HEXA: variants seen among roughly 807,000 people sequenced by gnomAD.
HEXA encodes hexosaminidase subunit alpha, also known as beta-hexosaminidase subunit alpha.
In HEXA, 54 loss-of-function variants were observed where a neutral mutation model predicts 73.3. That is an observed-to-expected ratio of 0.74 (90% CI 0.59 to 0.92). HEXA has a LOEUF of 0.92. Among genes scored for constraint, HEXA ranks in the 40% least tolerant of loss-of-function variants. The pLI is 0.00. For synonymous variants in HEXA, 230 were observed against 246.9 expected (o/e 0.93, Z 0.64); for missense variants, 649 against 653.0 (o/e 0.99, Z 0.07).
chr15:72,369,561 A>C (rs1308397905), intron 1 of HEXA, among the ~76,000 whole-genome samples: 1 of 152,116 alleles, frequency 6.6e-6, no homozygotes, highest in Non-Finnish European at 1.5e-5. Context: ...TGTTTGAGAC[A>C]AGGTCTGGCT....
chr15:72,370,944 T>C (rs1165260212), intron 1 of HEXA, among the ~76,000 whole-genome samples: 1 of 152,236 alleles, frequency 6.6e-6, no homozygotes, highest in Non-Finnish European at 1.5e-5. Context: ...GTAATTCTAC[T>C]ACAAAACCTT....
intron 1 of HEXA, chr15:72,370,754 G>A (rs2088981307): frequency 1.0e-5 from 4 of 394,902 alleles, no homozygotes; most frequent in Non-Finnish European, 1.8e-5. Context: ...AGAGAGGCTG[G>A]TGGAAGACTG....
In HEXA at chr15:72,355,491, A is replaced by C. The variant is rs938058464; in HGVS notation, c.412+68T>G. On this transcript the variant is annotated intron_variant, in intron 3 of 13. Transcript: ENST00000268097. ...CAGTGAGCAGGGACTGGGCCACTGC[A>C]CTCCACCAACACCAACCTTCCCACA... 3 of 1,107,632 alleles carry C rather than the reference A, an allele frequency of 2.7e-6. No individual in the cohort carries two copies. The African/African-American group carries it at 4.6e-5, about 17-fold the overall frequency. The allele number at this position is 1,107,632 out of a possible 1,614,324, so 68.6% of individuals were successfully genotyped here.
At chr15:72,356,328 C>T (rs1156764545) in intron 2 of HEXA, among the ~76,000 whole-genome samples, 197 bp downstream of exon 2, 1 of 152,220 alleles carries the variant, frequency 6.6e-6, no homozygotes, top group Admixed American at 6.5e-5. Flanking sequence ...TGATGTTCCA[C>T]AGCCAACCTT....
In HEXA at chr15:72,343,741, G is replaced by T. The variant is rs2088575892; in HGVS notation, c.*336C>A. The T allele has an allele frequency of 2.9e-6, 1 of 347,514 alleles. No individual in the cohort carries two copies. The allele number at this position is 347,514 out of a possible 1,614,324, so 21.5% of individuals were successfully genotyped here. On this transcript the variant is annotated 3_prime_UTR_variant, in exon 14 of 14. Transcript: ENST00000268097. ...GGGAGGGGAGTGACATAGCTCACAG[G>T]CAAGGCAGAACAGCACAAAGGCTAT...
rs933909060 is a variant in HEXA, at chr15:72,364,269, C to CA, written c.254-7653dup. ...CCTTGGTGACAGAGCGAGACTGTCT[C>CA]AAAAAAACCCCAAAACAAAAAACAA... On this transcript the variant is annotated intron_variant, in intron 1 of 13. Coordinates refer to ENST00000268097, the MANE Select transcript of HEXA (RefSeq NM_000520.6). Among the ~76,000 whole-genome samples, 4 of 150,450 alleles carry CA rather than the reference C, an allele frequency of 2.7e-5. No homozygotes were observed. In the South Asian group the frequency reaches 6.4e-4, roughly 24 times the overall value.
chr15:72,355,704 C>T lies in HEXA; in HGVS notation c.347-80G>A. ...TATAGACCAGATATTCTATATAAAT[C>T]ACTGGACTAAAAAAAAAAAACAGTA... On this transcript the variant is annotated intron_variant, in intron 2 of 13. Coordinates refer to ENST00000268097, the MANE Select transcript of HEXA (RefSeq NM_000520.6). 8.3e-6 allele frequency: 8 copies of T among 961,284 alleles called. No individual in the cohort carries two copies. The East Asian group carries it at 1.0e-4, about 12-fold the overall frequency. The allele number at this position is 961,284 out of a possible 1,614,324, so 59.5% of individuals were successfully genotyped here.
At chr15:72,368,578 C>T (rs955160518) in intron 1 of HEXA, among the ~76,000 whole-genome samples, 1 of 152,152 alleles carries the variant, frequency 6.6e-6, no homozygotes, top group Non-Finnish European at 1.5e-5. Flanking sequence ...CAGTTTTGCC[C>T]CAGCAAACCT....
At chr15:72,358,126 A>C (rs146743294) in intron 1 of HEXA, 262 of 152,324 alleles carry the variant, frequency 1.7e-3, no homozygotes, top group African/African-American at 5.8e-3. Flanking sequence ...CTACAGGGAG[A>C]CCAATGAGGA....
At chr15:72,371,954 C>T (rs1230694175) in intron 1 of HEXA, among the ~76,000 whole-genome samples, 2 of 152,162 alleles carry the variant, frequency 1.3e-5, no homozygotes, top group Non-Finnish European at 2.9e-5. Flanking sequence ...TCCTCAGCAA[C>T]TCACAGGGAT....
At chr15:72,351,463 GGAT>G in intron 5 of HEXA, 1 of 598,656 alleles carries the variant, frequency 1.7e-6, no homozygotes, top group Admixed American at 2.8e-5. Context: ...ATCCAAAGAT[GGAT>G]GATAGAAGTG....
intron 9 of HEXA, 96 bp from the exon 10 acceptor site, chr15:72,347,854 G>C: frequency 8.3e-7 from 1 of 1,204,096 alleles, no homozygotes; most frequent in Non-Finnish European, 1.2e-6. Flanking sequence ...CTGGCCAGGG[G>C]CCTATTCCTC....
At chr15:72,368,913 C>T (rs1398640947) in intron 1 of HEXA, among the ~76,000 whole-genome samples, 1 of 152,166 alleles carries the variant, frequency 6.6e-6, no homozygotes, top group Non-Finnish European at 1.5e-5. Flanking sequence ...AACAGTGTAC[C>T]TAGTAAGGCA....
chr15:72,372,060 C>T (rs1365903863), intron 1 of HEXA, among the ~76,000 whole-genome samples: 1 of 152,070 alleles, frequency 6.6e-6, no homozygotes, highest in African/African-American at 2.4e-5. Context: ...AAGAAGAATG[C>T]AGTCATGGCC....
intron 3 of HEXA, chr15:72,355,252 G>A (rs184669440): frequency 7.1e-5 from 28 of 392,524 alleles, no homozygotes; most frequent in Middle Eastern, 7.9e-4. Flanking sequence ...CTGGCTGGGC[G>A]CGGTGGCACA....
chr15:72,347,741 G>C lies in HEXA; in HGVS notation c.1091C>G (p.Ser364Cys), dbSNP rs781611898. ...FYIQTLLDIV[S>C]SYGKGYVVWQ... Reference sequence around the variant, plus strand: ...CACCACATAGCCCTTGCCATAAGAAGAGACGATGTCCAGCAGCCTGGAGAG... The same window carrying C: ...CACCACATAGCCCTTGCCATAAGAACAGACGATGTCCAGCAGCCTGGAGAG... The change falls in exon 10 of 14, where the codon TCT (serine) becomes TGT (cysteine). Residue 364 changes from serine (S) to cysteine (C), a missense_variant. Transcript: ENST00000268097. 3 of 1,614,198 alleles carry C rather than the reference G, an allele frequency of 1.9e-6. No homozygotes were observed. In the African/African-American group the frequency reaches 4.0e-5, roughly 22 times the overall value.
chr15:72,371,908 A>AG, intron 1 of HEXA, among the ~76,000 whole-genome samples: 1 of 152,190 alleles, frequency 6.6e-6, no homozygotes, highest in East Asian at 1.9e-4. Flanking sequence ...GGGCTGGAGA[A>AG]GGGGGGCAGG....
At chr15:72,362,067 C>G (rs2140332946) in intron 1 of HEXA, among the ~76,000 whole-genome samples, 1 of 152,290 alleles carries the variant, frequency 6.6e-6, no homozygotes, top group East Asian at 1.9e-4. Flanking sequence ...TAAGAAAATG[C>G]CTTGTCTTTT....
chr15:72,368,851 TACA>T (rs1318175095), intron 1 of HEXA, among the ~76,000 whole-genome samples: 1 of 152,208 alleles, frequency 6.6e-6, no homozygotes, highest in Non-Finnish European at 1.5e-5. Flanking sequence ...GAATCCTAGT[TACA>T]ACAAGGACAA....
Sources: allele counts gnomAD v4.1 joint callset (sites outside exome capture counted in the v4.1 genomes callset), GRCh38; gene constraint gnomAD v4.1.1; transcripts MANE v1.5; gene names NCBI Gene and HGNC (gene_info 2026-07-23, HGNC 2026-07-21).